Variants in CALML4 observed in about 807,000 individuals in gnomAD.
The protein encoded by CALML4 is calmodulin-like protein 4.
A neutral mutation model predicts 17.9 loss-of-function variants in CALML4; 16 were observed. That is an observed-to-expected ratio of 0.89 (90% confidence interval 0.61 to 1.36). CALML4 has a LOEUF of 1.36. Among genes scored for constraint, CALML4 ranks in the 40% most tolerant of loss-of-function variants. The pLI, the probability that CALML4 is intolerant of heterozygous loss-of-function variation, is 0.00. For synonymous variants in CALML4, 86 were observed against 71.5 expected (o/e 1.20, Z -1.02); for missense variants, 203 against 194.8 (o/e 1.04, Z -0.25).
Position 68,197,714 on chromosome 15 carries a change from C to T in CALML4, c.176-86G>A, listed in dbSNP as rs1041863340. On this transcript the variant is annotated intron_variant, in intron 3 of 4. Coordinates refer to ENST00000467889, the MANE Select transcript of CALML4 (RefSeq NM_033429.3). The surrounding 1 kb of genome is among the most constrained non-coding windows in gnomAD (Gnocchi z 4.1). Reference sequence around the variant, plus strand: ...TGGCCTCCTGCTGGACCTGCACAGCCGGTTCAAGGTCAACTGACCAGGGAA... The same window carrying T: ...TGGCCTCCTGCTGGACCTGCACAGCTGGTTCAAGGTCAACTGACCAGGGAA... 1.5e-5 allele frequency: 19 copies of T among 1,248,472 alleles called. No homozygotes were observed. The highest frequency in any genetic ancestry group is 7.1e-5 in the East Asian group (3 of 42,192). 77.3% of individuals were successfully genotyped at this position (1,248,472 alleles called of 1,614,324 possible). A position where few individuals can be genotyped will look rare whatever the true frequency, so the allele number is the denominator to read the frequency against.
At chr15:68,195,368 T>G (rs550842813) in intron 4 of CALML4, among the ~76,000 whole-genome samples, 14 of 152,220 alleles carry the variant, frequency 9.2e-5, no homozygotes, top group African/African-American at 3.1e-4. Context: ...TGAGTATTTA[T>G]TGGGAGAATG....
At chr15:68,201,948 T>C (rs948458595) in intron 2 of CALML4, among the ~76,000 whole-genome samples, 1 of 152,152 alleles carries the variant, frequency 6.6e-6, no homozygotes, top group African/African-American at 2.4e-5. Flanking sequence ...CTAGCACATA[T>C]ATTTCACCAC....
chr15:68,206,042 A>G (rs1259579950), upstream of CALML4: 1 of 152,300 alleles, frequency 6.6e-6, no homozygotes, highest in Non-Finnish European at 1.5e-5. Context: ...GAGGCCTCTT[A>G]GTGCCGGTTA....
rs1567090589 is a variant in CALML4, at chr15:68,199,564, C to CGCT, written c.149_151dup (p.Gln50dup). 1.2e-6 allele frequency: 2 copies of CGCT among 1,613,676 alleles called. No homozygotes were observed. The highest frequency in any genetic ancestry group is 2.2e-5 in the South Asian group (2 of 91,042). Reference sequence around the variant, plus strand: ...ACCTATCCCGTGGGTCTGCAGGTGCCGCTGCACCTCCCCTGGCGTCGGGCT... The same window carrying CGCT: ...ACCTATCCCGTGGGTCTGCAGGTGCCGCTGCTGCACCTCCCCTGGCGTCGGGCT... On this transcript the variant is annotated inframe_insertion, in exon 3 of 5. Coordinates refer to ENST00000467889, the MANE Select transcript of CALML4 (RefSeq NM_033429.3).
In CALML4 at chr15:68,197,297, G is replaced by A. The variant is rs1445648660; in HGVS notation, c.364+143C>T. ...CAGGCTCCAGTCCAGCACCCACCTA[G>A]TGTGGCATCTGCTCACAGTCTCCTG... On this transcript the variant is annotated intron_variant, in intron 4 of 4. Transcript: ENST00000467889. This position sits in a 1 kb window ranked among gnomAD's most constrained non-coding sequence, Gnocchi z 4.1. 4.2e-6 allele frequency: 3 copies of A among 717,116 alleles called. No individual in the cohort carries two copies. The highest frequency in any genetic ancestry group is 6.9e-6 in the Non-Finnish European group (3 of 437,120). 44.4% of individuals were successfully genotyped at this position (717,116 alleles called of 1,614,324 possible). A position where few individuals can be genotyped will look rare whatever the true frequency, so the allele number is the denominator to read the frequency against.
At chr15:68,203,334 G>A (rs2093171665) in intron 2 of CALML4, among the ~76,000 whole-genome samples, 1 of 152,230 alleles carries the variant, frequency 6.6e-6, no homozygotes. Flanking sequence ...GCGCCAATGA[G>A]TGCGATTCTT....
At chr15:68,194,796 C>T (rs933678163) in intron 4 of CALML4, among the ~76,000 whole-genome samples, 7 of 152,018 alleles carry the variant, frequency 4.6e-5, no homozygotes, top group African/African-American at 9.7e-5. Context: ...GCAAACAGAG[C>T]GAACATCCTC....
Position 68,200,404 on chromosome 15 carries a change from T to C in CALML4, c.35-723A>G, listed in dbSNP as rs2093161807. ...CCTGCTGGGAAATTCTCCCAGGGTC[T>C]GAAGCCCTTTCTCCTTCGGTACTTG... is the stretch of plus-strand genomic sequence containing the variant. On this transcript the variant is annotated intron_variant, in intron 2 of 4. Coordinates refer to ENST00000467889, the MANE Select transcript of CALML4 (RefSeq NM_033429.3). The surrounding 1 kb of genome is among the most constrained non-coding windows in gnomAD (Gnocchi z 4.3). 6.6e-6 allele frequency among the ~76,000 whole-genome samples: 1 copy of C among 152,246 alleles called. No individual in the cohort carries two copies. Among genetic ancestry groups the C allele is most frequent in the Admixed American group, 6.5e-5 (1 of 15,288 alleles).
At chr15:68,202,799 A>G (rs2093169448) in intron 2 of CALML4, among the ~76,000 whole-genome samples, 1 of 139,352 alleles carries the variant, frequency 7.2e-6, no homozygotes, top group Non-Finnish European at 1.5e-5. Flanking sequence ...ATGTGCCACC[A>G]TGACCGGCTT....
intron 3 of CALML4, 102 bp downstream of exon 3, chr15:68,199,439 C>T: frequency 7.6e-7 from 1 of 1,323,040 alleles, no homozygotes; most frequent in East Asian, 2.5e-5. Flanking sequence ...AGGAGGCCTC[C>T]CTGCCACCTG....
rs774606906 is a variant in CALML4, at chr15:68,200,124, C to T, written c.35-443G>A. ...GGGAGAGCAGGAACCCACAGCAAGG[C>T]GTCCAGACCCCCAGGGGACCTCTGC... is the stretch of plus-strand genomic sequence containing the variant. On this transcript the variant is annotated intron_variant, in intron 2 of 4. Transcript: ENST00000467889. This position sits in a 1 kb window ranked among gnomAD's most constrained non-coding sequence, Gnocchi z 4.3. Among the ~76,000 whole-genome samples the T allele has an allele frequency of 2.6e-5, 4 of 152,170 alleles. No individual in the cohort carries two copies. The highest frequency in any genetic ancestry group is 4.8e-5 in the African/African-American group (2 of 41,456).
At chr15:68,194,212 G>A (rs748360661) in intron 4 of CALML4, 100 bp from the exon 5 acceptor site, 9 of 804,336 alleles carry the variant, frequency 1.1e-5, no homozygotes, top group Non-Finnish European at 1.9e-5. Context: ...TCTTCCCTGA[G>A]CGTGCAGTTG....
intron 4 of CALML4, 128 bp from the exon 5 acceptor site, chr15:68,194,240 G>A (rs2093133055): frequency 3.1e-6 from 2 of 654,158 alleles, no homozygotes; most frequent in Non-Finnish European, 2.7e-6. Flanking sequence ...CTGTAGACCA[G>A]GAAGTAAACC....
rs1218603440 is a variant in CALML4, at chr15:68,200,381, T to C, written c.35-700A>G. 6.6e-6 allele frequency among the ~76,000 whole-genome samples: 1 copy of C among 152,218 alleles called. No homozygotes were observed. The highest frequency in any genetic ancestry group is 1.5e-5 in the Non-Finnish European group (1 of 68,032). Reference sequence around the variant, plus strand: ...TGTTCTTAGAGACTTCAAAGGGTCCTGCTGGGAAATTCTCCCAGGGTCTGA... The same window carrying C: ...TGTTCTTAGAGACTTCAAAGGGTCCCGCTGGGAAATTCTCCCAGGGTCTGA... On this transcript the variant is annotated intron_variant, in intron 2 of 4. Transcript: ENST00000467889. The surrounding 1 kb of genome is among the most constrained non-coding windows in gnomAD (Gnocchi z 4.3).
intron 2 of CALML4, among the ~76,000 whole-genome samples, chr15:68,203,210 A>G (rs139296429): frequency 1.1e-3 from 172 of 152,316 alleles, no homozygotes; most frequent in African/African-American, 3.7e-3. Flanking sequence ...TCGGCCTCCC[A>G]AAGTGCTGGG....
upstream of CALML4, chr15:68,205,359 T>A: frequency 6.2e-7 from 1 of 1,613,884 alleles, no homozygotes; most frequent in Non-Finnish European, 8.5e-7. This position sits in a 1 kb window ranked among gnomAD's most constrained non-coding sequence, Gnocchi z 4.8. Context: ...GCCCGGGTAA[T>A]AAATGCTCGG....
rs56240648 is a variant in CALML4, at chr15:68,194,384, CTTTTTT to C, written c.365-278_365-273del. Among the ~76,000 whole-genome samples, 625 of 141,086 alleles carry C rather than the reference CTTTTTT, an allele frequency of 4.4e-3. 2 individuals are homozygous for C. The highest frequency in any genetic ancestry group is 6.2e-3 in the Non-Finnish European group (408 of 65,322). The allele number at this position is 141,086 out of a possible 152,430, so 92.6% of individuals were successfully genotyped here. ...ATTCGGTCACTGATGCCACCGTGTG[CTTTTTT>C]TTTTTTTTTTTTAAAACAGTTTCGC... On this transcript the variant is annotated intron_variant, in intron 4 of 4. Transcript: ENST00000467889.
Position 68,199,636 on chromosome 15 carries a change from T to C in CALML4, c.80A>G (p.Lys27Arg), listed in dbSNP as rs780880443. 1 of 1,613,318 alleles carries C rather than the reference T, an allele frequency of 6.2e-7. No individual in the cohort carries two copies. Among genetic ancestry groups the C allele is most frequent in the East Asian group, 2.2e-5 (1 of 44,782 alleles). ...FSLYDKQQRG[K>R]IKATDLMVAM... ...CACCATGAGGTCGGTGGCTTTTATC[T>C]TCCCCCTCTGCTGCTTGTCATACAG... The change falls in exon 3 of 5, where the codon AAG becomes AGG. Residue 27 changes from lysine (K) to arginine (R), a missense_variant. Physicochemically the swap from Lys to Arg is conservative, Grantham distance 26 (BLOSUM62 2). Coordinates refer to ENST00000467889, the MANE Select transcript of CALML4 (RefSeq NM_033429.3).
rs1595806214 is a variant in CALML4 at position 68,192,184 on chromosome 15, C to T, written c.*1831G>A. The T allele has an allele frequency of 6.6e-6, 1 of 152,174 alleles. No homozygotes were observed. Among genetic ancestry groups the T allele is most frequent in the East Asian group, 1.9e-4 (1 of 5,176 alleles). 9.4% of individuals were successfully genotyped at this position (152,174 alleles called of 1,614,324 possible). ...CTGTGCAGGATTTACTTCCTAATGT[C>T]CATGACTGGAGCTCAAAAGAACTGT... On this transcript the variant is annotated 3_prime_UTR_variant, in exon 5 of 5. Transcript: ENST00000467889.
Sources: gnomAD v4.1 joint callset for allele counts (sites outside exome capture counted in the v4.1 genomes callset) on GRCh38, gnomAD v4.1.1 for gene constraint, Gnocchi (gnomAD v3.1) non-coding constraint, MANE v1.5 for transcripts, NCBI Gene and HGNC (gene_info 2026-07-23, HGNC 2026-07-21) for gene names.